Variants in DLG2 observed in about 807,000 individuals in gnomAD.
The protein encoded by DLG2 is disks large homolog 2.
DLG2 carries 45 observed loss-of-function variants against 132.5 expected under a neutral mutation model. That is an observed-to-expected ratio of 0.34 (90% confidence interval 0.27 to 0.44). The LOEUF is 0.44. DLG2 is among the 20% of genes least tolerant of loss of function. DLG2 has a pLI of 1.00. For synonymous variants in DLG2, 424 were observed against 419.6 expected (o/e 1.01, Z -0.13); for missense variants, 1,045 against 1,196.9 (o/e 0.87, Z 1.87).
chr11:83,742,720 C>T (rs1347436430), intron 18 of DLG2, among the ~76,000 whole-genome samples: 1 of 152,140 alleles, frequency 6.6e-6, no homozygotes. Flanking sequence ...CATTTCAAAC[C>T]TTCCCAAAAT....
intron 4 of DLG2, among the ~76,000 whole-genome samples, chr11:85,185,929 T>TTA (rs2080062951): frequency 6.6e-6 from 1 of 151,974 alleles, no homozygotes; most frequent in Admixed American, 6.6e-5. Flanking sequence ...GGCCTAGAGT[T>TTA]TGTCACTTGA....
At chr11:85,415,724 T>C (rs2089778333) in intron 3 of DLG2, among the ~76,000 whole-genome samples, 1 of 152,194 alleles carries the variant, frequency 6.6e-6, no homozygotes, top group Admixed American at 6.5e-5. Flanking sequence ...TAAATTTATT[T>C]AAGTTCTTTG....
Position 85,301,989 on chromosome 11 carries a change from A to G in DLG2, c.41-16624T>C, listed in dbSNP as rs139913455. On this transcript the variant is annotated intron_variant, in intron 3 of 27. Coordinates refer to ENST00000376104, the MANE Select transcript of DLG2 (RefSeq NM_001142699.3). The stretch of plus-strand genomic sequence containing the variant: ...CTACCTTTAGCCTGAGAGAATTAAT[A>G]CAAATAGTATAGTAGCAACACTCAG... Among the ~76,000 whole-genome samples the G allele has an allele frequency of 3.6e-3, 543 of 152,340 alleles. 4 individuals carry two copies. Among genetic ancestry groups the G allele is most frequent in the African/African-American group, 0.013 (533 of 41,572 alleles).
At chr11:85,616,722 A>C (rs1437723070) in intron 2 of DLG2, among the ~76,000 whole-genome samples, 1 of 152,184 alleles carries the variant, frequency 6.6e-6, no homozygotes, top group African/African-American at 2.4e-5. Context: ...GCTGAAGAAA[A>C]CATAAAAAAG....
intron 7 of DLG2, among the ~76,000 whole-genome samples, chr11:84,413,542 C>A (rs543322923): frequency 6.6e-6 from 1 of 152,142 alleles, no homozygotes; most frequent in Non-Finnish European, 1.5e-5. Context: ...TGTAAACTCA[C>A]CTGCAAGACA....
chr11:84,968,168 T>C (rs2053583494), intron 6 of DLG2, among the ~76,000 whole-genome samples: 1 of 152,142 alleles, frequency 6.6e-6, no homozygotes, highest in Non-Finnish European at 1.5e-5. Context: ...TGTAGTTAAA[T>C]ACAAAGCAGT....
chr11:85,056,445 GTTAA>G (rs1173763996), intron 6 of DLG2, among the ~76,000 whole-genome samples: 1 of 151,918 alleles, frequency 6.6e-6, no homozygotes, highest in African/African-American at 2.4e-5. Flanking sequence ...CAGAAGAAAT[GTTAA>G]TTAATAGATC....
intron 6 of DLG2, among the ~76,000 whole-genome samples, chr11:84,617,855 G>T (rs2099607258): frequency 6.6e-6 from 1 of 151,964 alleles, no homozygotes; most frequent in South Asian, 2.1e-4. Flanking sequence ...GGAAATCAAG[G>T]AATAAACAAA....
chr11:84,775,358 C>A (rs1468284508), intron 6 of DLG2, among the ~76,000 whole-genome samples: 1 of 152,154 alleles, frequency 6.6e-6, no homozygotes, highest in Non-Finnish European at 1.5e-5. Flanking sequence ...CTGTGGAAAG[C>A]AGTTAGGAGA....
intron 6 of DLG2, among the ~76,000 whole-genome samples, chr11:84,798,700 C>T (rs2074994717): frequency 6.6e-6 from 1 of 152,184 alleles, no homozygotes; most frequent in Non-Finnish European, 1.5e-5. Flanking sequence ...GAGGCCAGCA[C>T]ATCTCAGTCC....
At chr11:84,220,791 T>C (rs2154324159) in intron 8 of DLG2, among the ~76,000 whole-genome samples, 1 of 139,068 alleles carries the variant, frequency 7.2e-6, no homozygotes, top group Admixed American at 7.3e-5. Flanking sequence ...TTTTTTTTTT[T>C]TTTTTTTTTT....
chr11:83,917,039 T>A (rs1324630121), intron 15 of DLG2, among the ~76,000 whole-genome samples: 1 of 152,134 alleles, frequency 6.6e-6, no homozygotes, highest in Non-Finnish European at 1.5e-5. Context: ...ATACTAAGGG[T>A]CCTGAGGATG....
chr11:85,406,817 T>C (rs959467171), intron 3 of DLG2, among the ~76,000 whole-genome samples: 2 of 151,816 alleles, frequency 1.3e-5, no homozygotes, highest in Admixed American at 1.3e-4. Flanking sequence ...CAGTGAAATA[T>C]ATATAGTATA....
chr11:85,528,895 T>C (rs959358556), intron 3 of DLG2, among the ~76,000 whole-genome samples: 1 of 152,136 alleles, frequency 6.6e-6, no homozygotes, highest in Non-Finnish European at 1.5e-5. Flanking sequence ...CCAAGGGAAA[T>C]ACAGAGGTGT....
intron 18 of DLG2, among the ~76,000 whole-genome samples, chr11:83,660,034 C>T (rs866809196): frequency 9.9e-5 from 15 of 152,232 alleles, no homozygotes; most frequent in South Asian, 6.2e-4. Flanking sequence ...TACAAATAAA[C>T]GTTGTATAGC....
intron 6 of DLG2, among the ~76,000 whole-genome samples, chr11:84,630,937 C>T (rs1249567780): frequency 2.7e-5 from 4 of 149,614 alleles, no homozygotes; most frequent in Non-Finnish European, 5.9e-5. Flanking sequence ...GGAAATATGA[C>T]GCCAATTCTA....
In DLG2 at chr11:84,046,934, GT is replaced by G. The variant is rs748910323; in HGVS notation, c.919+12380del. ...GTACAGGCTTTTGACTGACAGCTTA[GT>G]GGCATTAGGAGTCATGGTCCATGAA... On this transcript the variant is annotated intron_variant, in intron 11 of 27. Coordinates refer to ENST00000376104, the MANE Select transcript of DLG2 (RefSeq NM_001142699.3). Among the ~76,000 whole-genome samples, 18 of 151,664 alleles carry G rather than the reference GT, an allele frequency of 1.2e-4. 1 individual carries two copies. Among genetic ancestry groups the G allele is most frequent in the Non-Finnish European group, 2.4e-4 (16 of 67,722 alleles).
At chr11:84,961,303 T>C (rs1016953243) in intron 6 of DLG2, among the ~76,000 whole-genome samples, 4 of 151,956 alleles carry the variant, frequency 2.6e-5, no homozygotes, top group African/African-American at 9.7e-5. Context: ...ATGCCTGACC[T>C]ACCCCACTAC....
At chr11:85,357,238 T>TTGTG (rs71036472) in intron 3 of DLG2, among the ~76,000 whole-genome samples, 8,576 of 118,070 alleles carry the variant, frequency 0.073, 412 homozygotes, top group East Asian at 0.17. Flanking sequence ...AATATCCTCT[T>TTGTG]TGTGTGTGTG....
Sources: allele counts gnomAD v4.1 joint callset (sites outside exome capture counted in the v4.1 genomes callset), GRCh38; gene constraint gnomAD v4.1.1; transcripts MANE v1.5; gene names NCBI Gene and HGNC (gene_info 2026-07-23, HGNC 2026-07-21).